The following USP54 variants were observed in gnomAD, a reference collection of about 807,000 sequenced individuals.
USP54 encodes the protein ubiquitin specific peptidase 54.
A neutral mutation model predicts 170.5 loss-of-function variants in USP54; 87 were observed. The observed-to-expected ratio is 0.51, with a 90% CI of 0.43 to 0.61. The LOEUF (loss-of-function observed/expected upper bound fraction) is 0.61, where lower values mean the gene tolerates loss of function less well. Ranked by LOEUF, USP54 falls within the 20% of genes least tolerant of loss-of-function variation. USP54 has a pLI of 0.00. For synonymous variants in USP54, 655 were observed against 742.8 expected (o/e 0.88, Z 1.92); for missense variants, 1,786 against 2,047.8 (o/e 0.87, Z 2.47).
intron 4 of USP54, chr10:73,546,677 C>T (rs896619149): frequency 2.0e-5 from 3 of 152,086 alleles, no homozygotes; most frequent in African/African-American, 4.8e-5. Flanking sequence ...CTGAATTTTA[C>T]TTGTTGTTTT....
chr10:73,588,961 C>G lies in USP54; in HGVS notation c.-582+2317G>C, dbSNP rs565795008. Among the ~76,000 whole-genome samples, 131 of 152,338 alleles carry G rather than the reference C, an allele frequency of 8.6e-4. 1 individual carries two copies. The highest frequency in any genetic ancestry group is 1.3e-3 in the Non-Finnish European group (87 of 68,036). ...ATAGTCATACATCAGCAGGAAGGAG[C>G]AGTCATTTACATTAATTCATTTCCC... On this transcript the variant is annotated intron_variant, in intron 1 of 23. Coordinates refer to ENST00000687698, the MANE Select transcript of USP54 (RefSeq NM_001391956.1).
chr10:73,499,244 C>T, intron 23 of USP54, 56 bp from the exon 24 acceptor site: 1 of 1,522,192 alleles, frequency 6.6e-7, no homozygotes, highest in Non-Finnish European at 8.8e-7. Context: ...CATTCTCCTT[C>T]CCAGAGAGCC....
intron 1 of USP54, among the ~76,000 whole-genome samples, chr10:73,591,001 A>ATT (rs1166562651): frequency 1.4e-4 from 20 of 147,394 alleles, no homozygotes; most frequent in African/African-American, 4.0e-4. Context: ...AAATCTATGA[A>ATT]TTTTTTTTTT....
chr10:73,536,561 A>G (rs1391974202), intron 10 of USP54, 124 bp from the exon 11 acceptor site: 3 of 1,180,608 alleles, frequency 2.5e-6, no homozygotes, highest in Middle Eastern at 2.1e-4. Context: ...TTGGGTAAAA[A>G]GGCAGCAAAA....
At chr10:73,613,509 C>T (rs968406950) in intron 1 of USP54, among the ~76,000 whole-genome samples, 3 of 151,764 alleles carry the variant, frequency 2.0e-5, no homozygotes, top group African/African-American at 4.8e-5. Flanking sequence ...TAAAGAGATT[C>T]AAAACGTCAA....
chr10:73,522,112 A>G (rs991054032), intron 17 of USP54, among the ~76,000 whole-genome samples: 4 of 152,164 alleles, frequency 2.6e-5, no homozygotes, highest in African/African-American at 9.7e-5. Flanking sequence ...CATCCCTAAC[A>G]TTCACTTCCT....
intron 4 of USP54, among the ~76,000 whole-genome samples, chr10:73,561,810 A>G (rs2073128644): frequency 6.6e-6 from 1 of 152,236 alleles, no homozygotes; most frequent in South Asian, 2.1e-4. Context: ...GTTTAAAAAC[A>G]AATGAAGTAG....
At chr10:73,500,314 A>G (rs2057832182) in intron 23 of USP54, among the ~76,000 whole-genome samples, 1 of 152,196 alleles carries the variant, frequency 6.6e-6, no homozygotes, top group Non-Finnish European at 1.5e-5. Context: ...CAGAGGATAG[A>G]AGGAGAGATG....
In USP54 at chr10:73,530,134, TCTC is replaced by T; in HGVS notation, c.1828+6_1828+8del. On this transcript the variant is annotated splice_donor_region_variant and intron_variant, in intron 14 of 23. Coordinates refer to ENST00000687698, the MANE Select transcript of USP54 (RefSeq NM_001391956.1). Reference sequence around the variant, plus strand: ...CAAAAGCCCAATTCTTCCCTAATTATCTCCTCACCTGAATCCTCAGAAAAGGGG... The same window carrying T: ...CAAAAGCCCAATTCTTCCCTAATTATCTCACCTGAATCCTCAGAAAAGGGG... The T allele has an allele frequency of 6.3e-7, 1 of 1,586,486 alleles. No homozygotes were observed. Among genetic ancestry groups the T allele is most frequent in the Non-Finnish European group, 8.6e-7 (1 of 1,168,916 alleles).
chr10:73,534,517 G>T (rs944654017), intron 12 of USP54, 83 bp downstream of exon 12: 6 of 1,505,528 alleles, frequency 4.0e-6, no homozygotes, highest in East Asian at 2.3e-5. Context: ...GAGCCACTGC[G>T]CCTGGCCTCA....
chr10:73,596,958 C>A (rs1415456622), intron 1 of USP54, among the ~76,000 whole-genome samples: 1 of 152,128 alleles, frequency 6.6e-6, no homozygotes, highest in Non-Finnish European at 1.5e-5. Context: ...CAAATCCATG[C>A]ATGACATTGT....
intron 10 of USP54, among the ~76,000 whole-genome samples, chr10:73,538,557 G>C (rs1432769868): frequency 6.6e-6 from 1 of 152,034 alleles, no homozygotes; most frequent in South Asian, 2.1e-4. Context: ...GCTCACGCCT[G>C]TAATCCCAAC....
intron 23 of USP54, among the ~76,000 whole-genome samples, chr10:73,499,418 T>G (rs763822421): frequency 5.3e-5 from 8 of 152,164 alleles, no homozygotes; most frequent in Non-Finnish European, 8.8e-5. Flanking sequence ...CTCATGGATG[T>G]TGCCATACCT....
In USP54 at chr10:73,504,872, G is replaced by A; in HGVS notation, c.4289C>T (p.Ala1430Val). The part of the protein sequence containing the change: ...SGTVVSEREE[A>V]PVSSHSFDSS... ...TACAAAACTGTGGGAAGAAACCGGA[G>A]CTTCCTCCCTCTCTGAGACAACGGT... is the stretch of plus-strand genomic sequence containing the variant. Residue 1430 changes from alanine to valine, a missense_variant, in exon 22 of 24, where the codon GCT becomes GTT. Ala to Val is a moderately conservative substitution (Grantham distance 64). This residue lies in a region of USP54 where 1,418 missense variants were observed against 1,569.0 expected (regional missense o/e 0.90). Transcript: ENST00000687698. 6.2e-7 allele frequency: 1 copy of A among 1,614,144 alleles called. No homozygotes were observed. Among genetic ancestry groups the A allele is most frequent in the Middle Eastern group, 1.6e-4 (1 of 6,062 alleles).
chr10:73,574,864 A>G (rs1280165473), intron 3 of USP54, among the ~76,000 whole-genome samples: 1 of 151,016 alleles, frequency 6.6e-6, no homozygotes, highest in Non-Finnish European at 1.5e-5. Flanking sequence ...CAAAAAAAAA[A>G]AAAAGAAAGA....
Position 73,539,508 on chromosome 10 carries a change from G to T in USP54, c.911C>A (p.Ser304Tyr). The part of the protein sequence containing the change: ...GMICYYGKHY[S>Y]TFFFQTKIRK... ...AATCTTTGTTTGAAAAAAGAATGTA[G>T]AATAATGTTTGCCATAGTAACAGAT... The change falls in exon 10 of 24, where the codon TCT (serine) becomes TAT (tyrosine). Residue 304 changes from serine to tyrosine, a missense_variant. This residue lies in a region of USP54 where 361 missense variants were observed against 455.0 expected (regional missense o/e 0.79). Coordinates refer to ENST00000687698, the MANE Select transcript of USP54 (RefSeq NM_001391956.1). 1 of 1,611,332 alleles carries T rather than the reference G, an allele frequency of 6.2e-7. No homozygotes were observed. Among genetic ancestry groups the T allele is most frequent in the East Asian group, 2.2e-5 (1 of 44,834 alleles).
At chr10:73,500,035 A>G (rs1290885054) in intron 23 of USP54, 1 of 152,262 alleles carries the variant, frequency 6.6e-6, no homozygotes, top group African/African-American at 2.4e-5. Flanking sequence ...TCTACCCACT[A>G]GATACCGGTG....
intron 1 of USP54, among the ~76,000 whole-genome samples, chr10:73,600,325 G>A (rs537483976): frequency 3.3e-5 from 5 of 152,236 alleles, no homozygotes; most frequent in African/African-American, 1.2e-4. Flanking sequence ...AAGGTGTAGG[G>A]GTGGAAGGGA....
chr10:73,536,084 C>T, intron 11 of USP54, 185 bp downstream of exon 11: 1 of 731,354 alleles, frequency 1.4e-6, no homozygotes. Context: ...ACTGTTTTGA[C>T]AACTGAAGGA....
Sources: allele counts gnomAD v4.1 joint callset (sites outside exome capture counted in the v4.1 genomes callset), GRCh38; gene constraint gnomAD v4.1.1; regional missense constraint gnomAD v4.1.1; transcripts MANE v1.5; gene names NCBI Gene and HGNC (gene_info 2026-07-23, HGNC 2026-07-21).